The following CCDC3 variants were observed in gnomAD, a reference collection of about 807,000 sequenced individuals.
The protein encoded by CCDC3 is coiled-coil domain containing 3.
A neutral mutation model predicts 21.4 loss-of-function variants in CCDC3; 24 were observed. That is an observed-to-expected ratio of 1.12 (90% CI 0.81 to 1.58). The LOEUF is 1.58. Among genes scored for constraint, CCDC3 ranks in the 40% most tolerant of loss-of-function variants. The pLI, the probability that CCDC3 is intolerant of heterozygous loss-of-function variation, is 0.00. For missense variants in CCDC3, 425 were observed against 360.9 expected, an observed-to-expected ratio of 1.18 and a Z score of -1.44; for synonymous variants, 186 against 166.0, an observed-to-expected ratio of 1.12 and a Z score of -0.93.
chr10:13,058,918 T>G (rs962825323), intron 4 of CCDC3, among the ~76,000 whole-genome samples: 17 of 152,180 alleles, frequency 1.1e-4, no homozygotes, highest in Non-Finnish European at 1.2e-4. Flanking sequence ...CTCAGGCATA[T>G]TCTAATTGCT....
At chr10:12,996,459 C>T (rs1835763259) in intron 2 of CCDC3, among the ~76,000 whole-genome samples, 2 of 152,110 alleles carry the variant, frequency 1.3e-5, no homozygotes, top group Non-Finnish European at 2.9e-5. Context: ...CCTCAGCCTC[C>T]CGAGTAGCTG....
chr10:12,930,668 A>G (rs1834624222), intron 2 of CCDC3, among the ~76,000 whole-genome samples: 1 of 152,166 alleles, frequency 6.6e-6, no homozygotes, highest in Admixed American at 6.5e-5. Flanking sequence ...CAGTGTTCGG[A>G]AATACCTTTC....
At chr10:13,028,962 C>T (rs1319273995) in intron 5 of CCDC3, among the ~76,000 whole-genome samples, 2 of 152,152 alleles carry the variant, frequency 1.3e-5, no homozygotes, top group Admixed American at 6.5e-5. Context: ...ATTCCAGCTG[C>T]CAGCAGATGC....
At chr10:13,074,715 C>G (rs910446121) in intron 3 of CCDC3, among the ~76,000 whole-genome samples, 3 of 152,152 alleles carry the variant, frequency 2.0e-5, no homozygotes, top group African/African-American at 7.2e-5. Flanking sequence ...CACACATACA[C>G]ACACTCACAT....
intron 2 of CCDC3, among the ~76,000 whole-genome samples, chr10:12,955,554 T>C (rs774380066): frequency 5.9e-5 from 9 of 152,058 alleles, no homozygotes; most frequent in Non-Finnish European, 8.8e-5. Flanking sequence ...AGTAACTTCA[T>C]ATTTTTTTTT....
chr10:12,983,952 T>C (rs1835546209), intron 2 of CCDC3, among the ~76,000 whole-genome samples: 1 of 152,124 alleles, frequency 6.6e-6, no homozygotes, highest in Non-Finnish European at 1.5e-5. Context: ...TGGTGGTGCA[T>C]GCCTGTAATC....
At chr10:12,990,346 TG>T (rs1835662956) in intron 2 of CCDC3, among the ~76,000 whole-genome samples, 1 of 151,742 alleles carries the variant, frequency 6.6e-6, no homozygotes, top group Non-Finnish European at 1.5e-5. Context: ...TGTTAATACA[TG>T]CAAGTGTGAA....
At chr10:13,096,179 C>T (rs1457938315) in intron 3 of CCDC3, among the ~76,000 whole-genome samples, 1 of 59,042 alleles carries the variant, frequency 1.7e-5, no homozygotes, top group Non-Finnish European at 5.2e-5. Flanking sequence ...TTTCTTCCTT[C>T]TCTCTCTCTC....
intron 3 of CCDC3, among the ~76,000 whole-genome samples, chr10:13,095,820 C>T (rs908458475): frequency 3.9e-5 from 6 of 152,178 alleles, no homozygotes; most frequent in African/African-American, 1.4e-4. Context: ...TGATTCATGG[C>T]TTTCAATTAC....
At chr10:12,961,430 A>T (rs1835177358) in intron 2 of CCDC3, among the ~76,000 whole-genome samples, 1 of 152,216 alleles carries the variant, frequency 6.6e-6, no homozygotes, top group African/African-American at 2.4e-5. Flanking sequence ...TCCAAATAAC[A>T]TTCGGGGTGG....
intron 2 of CCDC3, among the ~76,000 whole-genome samples, chr10:12,955,094 C>A (rs1028599418): frequency 6.6e-6 from 1 of 152,124 alleles, no homozygotes; most frequent in African/African-American, 2.4e-5. Context: ...CATGAATAAT[C>A]ATTTATTTTT....
At chr10:13,015,572 T>C (rs1430670990) in intron 5 of CCDC3, among the ~76,000 whole-genome samples, 1 of 152,004 alleles carries the variant, frequency 6.6e-6, no homozygotes, top group Non-Finnish European at 1.5e-5. Context: ...CCCCAATTTA[T>C]AGAGAAGGAA....
intron 5 of CCDC3, among the ~76,000 whole-genome samples, chr10:13,034,721 A>ACAAG (rs772268888): frequency 2.6e-5 from 4 of 152,014 alleles, no homozygotes; most frequent in Non-Finnish European, 5.9e-5. Context: ...AAACAAACAA[A>ACAAG]CAAACAAAAA....
At chr10:12,919,736 C>T (rs1469309730) in intron 2 of CCDC3, among the ~76,000 whole-genome samples, 2 of 151,866 alleles carry the variant, frequency 1.3e-5, no homozygotes, top group Admixed American at 6.6e-5. Flanking sequence ...CTTGTGGCCC[C>T]ACAGAGTGCC....
chr10:12,982,792 C>CAAAAAA (rs61685162), intron 2 of CCDC3, among the ~76,000 whole-genome samples: 1 of 52,902 alleles, frequency 1.9e-5, no homozygotes, highest in Non-Finnish European at 3.5e-5. Context: ...GACTCTGTCT[C>CAAAAAA]AAAAAAAAAA....
chr10:12,904,491 A>AAAAAAAAAAAAAT, intron 2 of CCDC3, among the ~76,000 whole-genome samples: 1 of 149,846 alleles, frequency 6.7e-6, no homozygotes, highest in Admixed American at 6.7e-5. Context: ...AAAAAAAAAA[A>AAAAAAAAAAAAAT]GACTGGCTCA....
At chr10:12,902,151 G>T (rs1834102597) in intron 2 of CCDC3, among the ~76,000 whole-genome samples, 1 of 152,212 alleles carries the variant, frequency 6.6e-6, no homozygotes, top group Admixed American at 6.5e-5. Flanking sequence ...AATGGTTTTT[G>T]CATCCTTGCT....
rs80199042 is a variant in CCDC3 at position 13,048,042 on chromosome 10, A to C, written c.-2+1632T>G. Among the ~76,000 whole-genome samples, 701 of 152,298 alleles carry C rather than the reference A, an allele frequency of 4.6e-3. 34 individuals are homozygous for C. The South Asian group carries it at 0.084, about 18-fold the overall frequency. ...TAGGGGAATAGTCAATTATGTATGC[A>C]CCTCACGCGCAATGTAAGGTGAATT... On this transcript the variant is annotated intron_variant, in intron 5 of 6. Transcript: ENST00000378839.
chr10:12,928,129 TAGAC>T (rs1350464107), intron 2 of CCDC3, among the ~76,000 whole-genome samples: 2 of 152,312 alleles, frequency 1.3e-5, no homozygotes, highest in East Asian at 1.9e-4. Flanking sequence ...AATAAAAATG[TAGAC>T]AGACCCAGAG....
Sources: gnomAD v4.1 joint callset for allele counts (sites outside exome capture counted in the v4.1 genomes callset) on GRCh38, gnomAD v4.1.1 for gene constraint, MANE v1.5 for transcripts, NCBI Gene and HGNC (gene_info 2026-07-23, HGNC 2026-07-21) for gene names.